Variants in CHAT observed in about 807,000 individuals in gnomAD.
The protein encoded by CHAT is acetyl CoA:choline O-acetyltransferase.
In CHAT, 61 loss-of-function variants were observed where a neutral mutation model predicts 76.9. The ratio of observed to expected loss-of-function variants is 0.79; its 90% confidence interval spans 0.65 to 0.98. CHAT has a LOEUF of 0.98. Ranked by LOEUF, CHAT falls within the 50% of genes least tolerant of loss-of-function variation. The probability of loss-of-function intolerance (pLI) is 0.00; values close to 1 mark genes in which losing one functional copy is unlikely to be tolerated. For synonymous variants in CHAT, 407 were observed against 397.4 expected (o/e 1.02, Z -0.29); for missense variants, 946 against 986.9 (o/e 0.96, Z 0.56).
At chr10:49,612,372 C>T, upstream of CHAT, 1 of 1,553,642 alleles carries the variant, frequency 6.4e-7, no homozygotes, top group Non-Finnish European at 8.7e-7. Context: ...CACCCAACCG[C>T]CTTGGGTCAA....
intron 8 of CHAT, 90 bp downstream of exon 8, chr10:49,646,764 C>A: frequency 1.4e-6 from 2 of 1,437,848 alleles, no homozygotes; most frequent in South Asian, 1.2e-5. Flanking sequence ...TGCCCAGGCC[C>A]GCACGTGCTT....
intron 7 of CHAT, 110 bp downstream of exon 7, chr10:49,627,895 G>GA: frequency 2.3e-6 from 3 of 1,304,882 alleles, no homozygotes; most frequent in Non-Finnish European, 3.2e-6. Flanking sequence ...CATAGTGTGG[G>GA]AGCTCAGGGC....
chr10:49,661,033 G>T (rs983760881), intron 13 of CHAT, among the ~76,000 whole-genome samples: 14 of 152,156 alleles, frequency 9.2e-5, no homozygotes, highest in African/African-American at 3.4e-4. Context: ...CATGGTTGAT[G>T]AAATCTGTCC....
intron 7 of CHAT, among the ~76,000 whole-genome samples, chr10:49,644,450 GC>G (rs1377553440): frequency 2.0e-5 from 3 of 152,180 alleles, no homozygotes; most frequent in Non-Finnish European, 2.9e-5. Context: ...CAGGGCCTGG[GC>G]TGGCTCTCAT....
rs150477294 is a variant in CHAT, at chr10:49,665,577, G to A, written c.*531G>A. Among the ~76,000 whole-genome samples, 278 of 152,150 alleles carry A rather than the reference G, an allele frequency of 1.8e-3. 1 individual carries two copies. Among genetic ancestry groups the A allele is most frequent in the African/African-American group, 6.1e-3 (254 of 41,508 alleles). ...GCATTCCCAGTGTCTCCACTGAGCC[G>A]TACAGTCCTACAAGCACCCACTCCT... On this transcript the variant is annotated 3_prime_UTR_variant, in exon 15 of 15. Transcript: ENST00000337653.
At chr10:49,639,874 C>A (rs944648672) in intron 7 of CHAT, among the ~76,000 whole-genome samples, 20 of 152,238 alleles carry the variant, frequency 1.3e-4, no homozygotes, top group African/African-American at 4.6e-4. Context: ...TCAAAGGTGC[C>A]TTAGACTCTG....
intron 7 of CHAT, among the ~76,000 whole-genome samples, chr10:49,635,053 G>T (rs1839251673): frequency 6.6e-6 from 1 of 152,038 alleles, no homozygotes; most frequent in African/African-American, 2.4e-5. Context: ...ATCACCACCA[G>T]GATCCCTCTT....
chr10:49,657,644 C>T (rs1840073959), intron 13 of CHAT, among the ~76,000 whole-genome samples: 1 of 152,194 alleles, frequency 6.6e-6, no homozygotes, highest in African/African-American at 2.4e-5. Context: ...TAATTAAAGT[C>T]TTACTACTTT....
chr10:49,616,010 TCCA>T (rs1564470033), intron 1 of CHAT: 3 of 1,612,576 alleles, frequency 1.9e-6, no homozygotes, highest in Non-Finnish European at 2.5e-6. Context: ...TTCCTTTCCC[TCCA>T]CCAACGGAGT....
chr10:49,643,502 GC>G (rs1346773328), intron 7 of CHAT, among the ~76,000 whole-genome samples: 3 of 152,182 alleles, frequency 2.0e-5, no homozygotes, highest in African/African-American at 7.2e-5. Context: ...GCCTGAGCCT[GC>G]AGGGACCAGT....
At chr10:49,617,283 A>G (rs771989063) in intron 2 of CHAT, among the ~76,000 whole-genome samples, 13 of 151,656 alleles carry the variant, frequency 8.6e-5, no homozygotes, top group Admixed American at 2.6e-4. Context: ...TCTGCAGCTG[A>G]CAAACATCTA....
chr10:49,612,247 C>T, upstream of CHAT: 1 of 1,610,292 alleles, frequency 6.2e-7, no homozygotes. Context: ...GCGTGAGCGT[C>T]CTGTGTCTGG....
chr10:49,662,743 C>T lies in CHAT; in HGVS notation c.1938C>T (p.Thr646=). The T allele has an allele frequency of 6.2e-7, 1 of 1,614,206 alleles. No individual in the cohort carries two copies. Among genetic ancestry groups the T allele is most frequent in the Non-Finnish European group, 8.5e-7 (1 of 1,180,040 alleles). ...TGCCCGAGATGTTCATGGATGAAAC[C>T]TACCTGATGAGCAACCGGTTTGTCC... ...KELPEMFMDE[T]YLMSNRFVLS... Residue 646 remains threonine, a synonymous_variant, in exon 14 of 15, where the codon ACC becomes ACT. Transcript: ENST00000337653.
Position 49,666,357 on chromosome 10 carries a change from T to C in CHAT, c.*1311T>C, listed in dbSNP as rs1840339995. Among the ~76,000 whole-genome samples, 1 of 152,172 alleles carries C rather than the reference T, an allele frequency of 6.6e-6. No individual in the cohort carries two copies. The highest frequency in any genetic ancestry group is 6.5e-5 in the Admixed American group (1 of 15,288). The stretch of plus-strand genomic sequence containing the variant: ...GAGATGTCTCCAGAGACTGTGATCA[T>C]AGGAGAGACACAAGAGGCACTTCCT... On this transcript the variant is annotated 3_prime_UTR_variant, in exon 15 of 15. Coordinates refer to ENST00000337653, the MANE Select transcript of CHAT (RefSeq NM_020549.5).
At chr10:49,620,356 T>A in intron 3 of CHAT, 139 bp from the exon 4 acceptor site, 1 of 749,702 alleles carries the variant, frequency 1.3e-6, no homozygotes, top group Non-Finnish European at 2.4e-6. Context: ...GGGAAGCTCC[T>A]GGCACATACC....
In CHAT at chr10:49,627,696, C is replaced by T. The variant is rs1407573301; in HGVS notation, c.1022C>T (p.Ser341Phe). The stretch of plus-strand genomic sequence containing the variant: ...TTGAGAAAGATAGTCAAAATGGCTT[C>T]CAACGAGGACGAGCGTTTGCCTCCA... ...TQLRKIVKMA[S>F]NEDERLPPIG... Residue 341 changes from serine to phenylalanine, a missense_variant, in exon 7 of 15, where the codon TCC becomes TTC. Transcript: ENST00000337653. 6.2e-7 allele frequency: 1 copy of T among 1,614,158 alleles called. No individual in the cohort carries two copies. The highest frequency in any genetic ancestry group is 1.7e-5 in the Admixed American group (1 of 60,026).
At chr10:49,657,493 C>T (rs754795256) in intron 13 of CHAT, among the ~76,000 whole-genome samples, 13 of 152,074 alleles carry the variant, frequency 8.5e-5, no homozygotes, top group Non-Finnish European at 1.6e-4. Context: ...TCTCTACCAC[C>T]CCAGGCAGCC....
At chr10:49,645,705 T>A (rs1181819046) in intron 7 of CHAT, among the ~76,000 whole-genome samples, 2 of 152,144 alleles carry the variant, frequency 1.3e-5, no homozygotes, top group Non-Finnish European at 2.9e-5. Flanking sequence ...CTCCCGCTCC[T>A]GAAGAGCCGT....
chr10:49,630,753 C>T (rs1311718083), intron 7 of CHAT, among the ~76,000 whole-genome samples: 2 of 152,074 alleles, frequency 1.3e-5, no homozygotes, highest in Non-Finnish European at 2.9e-5. Flanking sequence ...GGAGATAGAA[C>T]TCAGAAAATA....
Sources: gnomAD v4.1 joint callset for allele counts (sites outside exome capture counted in the v4.1 genomes callset) on GRCh38, gnomAD v4.1.1 for gene constraint, MANE v1.5 for transcripts, NCBI Gene and HGNC (gene_info 2026-07-23, HGNC 2026-07-21) for gene names.